Variants in ACMSD observed in about 807,000 individuals in gnomAD.
ACMSD encodes the protein 2-amino-3-carboxymuconate-6-semialdehyde decarboxylase.
ACMSD carries 37 observed loss-of-function variants against 45.9 expected under a neutral mutation model. The ratio of observed to expected loss-of-function variants is 0.81; its 90% confidence interval spans 0.62 to 1.06. The LOEUF is 1.06. ACMSD is among the 50% of genes least tolerant of loss of function. The pLI, the probability that ACMSD is intolerant of heterozygous loss-of-function variation, is 0.00. For missense variants in ACMSD, 434 were observed against 420.9 expected (o/e 1.03, Z -0.27); for synonymous variants, 138 against 148.8 (o/e 0.93, Z 0.53).
chr2:134,885,625 A>C, intron 8 of ACMSD, among the ~76,000 whole-genome samples: 1 of 151,204 alleles, frequency 6.6e-6, no homozygotes, highest in East Asian at 1.9e-4. Flanking sequence ...AAACATGCTC[A>C]AAAGTCCAAT....
intron 8 of ACMSD, among the ~76,000 whole-genome samples, chr2:134,887,662 C>T (rs1689538767): frequency 6.6e-6 from 1 of 152,190 alleles, no homozygotes; most frequent in South Asian, 2.1e-4. Flanking sequence ...CCTTGGCCTC[C>T]CAAAGTGCTG....
intron 2 of ACMSD, among the ~76,000 whole-genome samples, chr2:134,853,063 C>T (rs1225733778): frequency 6.7e-6 from 1 of 150,076 alleles, no homozygotes; most frequent in South Asian, 2.1e-4. Flanking sequence ...CTCAGGAGGC[C>T]GAGGTGGGAG....
intron 8 of ACMSD, among the ~76,000 whole-genome samples, chr2:134,886,415 A>AT (rs1347613999): frequency 6.6e-6 from 1 of 151,416 alleles, no homozygotes; most frequent in Non-Finnish European, 1.5e-5. Context: ...CGCCCGGCTA[A>AT]TTTTTTGTAT....
intron 8 of ACMSD, among the ~76,000 whole-genome samples, chr2:134,895,732 G>A (rs1690109631): frequency 6.6e-6 from 1 of 152,126 alleles, no homozygotes. Context: ...GTGATGGCGT[G>A]TGCCTGTAAT....
intron 6 of ACMSD, among the ~76,000 whole-genome samples, chr2:134,868,713 A>G (rs1011890611): frequency 1.3e-5 from 2 of 152,112 alleles, no homozygotes; most frequent in African/African-American, 4.8e-5. Flanking sequence ...TCAGCCTCCC[A>G]AAGTGCTGGG....
chr2:134,885,258 TA>T lies in ACMSD; in HGVS notation c.849+12618del, dbSNP rs1689270072. 4.9e-5 allele frequency among the ~76,000 whole-genome samples: 5 copies of T among 101,956 alleles called. No homozygotes were observed. The East Asian group carries it at 7.5e-4, about 15-fold the overall frequency. The allele number at this position is 101,956 out of a possible 152,430, so 66.9% of individuals were successfully genotyped here. ...TATGTAAATATATATTTATATATAA[TA>T]TATATATAAATATATATATTATATA... On this transcript the variant is annotated intron_variant, in intron 8 of 9. Coordinates refer to ENST00000356140, the MANE Select transcript of ACMSD (RefSeq NM_138326.3).
intron 8 of ACMSD, among the ~76,000 whole-genome samples, chr2:134,892,300 C>T (rs1314196236): frequency 2.6e-5 from 4 of 151,742 alleles, no homozygotes; most frequent in African/African-American, 7.3e-5. Flanking sequence ...AATAAGATGA[C>T]ATACATGAAT....
intron 3 of ACMSD, among the ~76,000 whole-genome samples, chr2:134,860,569 G>T (rs1200912174): frequency 1.3e-5 from 2 of 152,130 alleles, no homozygotes; most frequent in Non-Finnish European, 1.5e-5. Context: ...CAAATTGTAA[G>T]AAGTTCAAAT....
intron 8 of ACMSD, among the ~76,000 whole-genome samples, chr2:134,886,840 A>C (rs561534387): frequency 6.6e-6 from 1 of 152,318 alleles, no homozygotes; most frequent in African/African-American, 2.4e-5. Context: ...TTATGTAATA[A>C]ATTTTTAAGG....
rs1553508770 is a variant in ACMSD, at chr2:134,847,397, C to CAGATAGATAGATAGACAGAT, written c.102+2135_102+2136insCAGATAGATAGATAGATAGA. Among the ~76,000 whole-genome samples the CAGATAGATAGATAGACAGAT allele has an allele frequency of 7.5e-4, 61 of 81,464 alleles. 1 individual carries two copies. The highest frequency in any genetic ancestry group is 2.9e-3 in the African/African-American group (59 of 20,270). The allele number at this position is 81,464 out of a possible 152,430, so 53.4% of individuals were successfully genotyped here. A position where few individuals can be genotyped will look rare whatever the true frequency, so the allele number is the denominator to read the frequency against. Reference sequence around the variant, plus strand: ...ACCACTAAAGAGTTTTTTGGGGATACAGATAGATAGATAGATAGATAGATA... The same window carrying CAGATAGATAGATAGACAGAT: ...ACCACTAAAGAGTTTTTTGGGGATACAGATAGATAGATAGACAGATAGATAGATAGATAGATAGATAGATA... On this transcript the variant is annotated intron_variant, in intron 2 of 9. Transcript: ENST00000356140.
At chr2:134,875,370 T>C (rs1323378567) in intron 8 of ACMSD, among the ~76,000 whole-genome samples, 1 of 152,236 alleles carries the variant, frequency 6.6e-6, no homozygotes, top group East Asian at 1.9e-4. Flanking sequence ...GTATAAACTT[T>C]ACTTTGATAA....
At chr2:134,879,706 T>G (rs888548284) in intron 8 of ACMSD, among the ~76,000 whole-genome samples, 1 of 152,334 alleles carries the variant, frequency 6.6e-6, no homozygotes, top group African/African-American at 2.4e-5. Flanking sequence ...ACATGCTACT[T>G]ACACAAACTT....
chr2:134,848,860 G>A (rs1687202314), intron 2 of ACMSD, among the ~76,000 whole-genome samples: 1 of 152,206 alleles, frequency 6.6e-6, no homozygotes, highest in Non-Finnish European at 1.5e-5. Flanking sequence ...GAATGGTACT[G>A]CTTAGGTTTT....
intron 8 of ACMSD, among the ~76,000 whole-genome samples, chr2:134,895,976 A>G (rs1690126015): frequency 6.6e-6 from 1 of 152,200 alleles, no homozygotes; most frequent in East Asian, 1.9e-4. Flanking sequence ...TCAAGACTCT[A>G]TGGGACTAGC....
chr2:134,876,513 G>A lies in ACMSD; in HGVS notation c.849+3872G>A, dbSNP rs867552976. ...AGGCCTACACAGGGTAAGGATCATC[G>A]TCACTGTCTTTCACCTCCACATCTT... On this transcript the variant is annotated intron_variant, in intron 8 of 9. Transcript: ENST00000356140. 3.9e-5 allele frequency among the ~76,000 whole-genome samples: 6 copies of A among 152,026 alleles called. No homozygotes were observed. In the East Asian group the frequency reaches 7.7e-4, roughly 20 times the overall value.
At chr2:134,851,453 T>TC (rs1041145808) in intron 2 of ACMSD, among the ~76,000 whole-genome samples, 1 of 152,102 alleles carries the variant, frequency 6.6e-6, no homozygotes, top group Admixed American at 6.5e-5. Context: ...CATTCCCTTT[T>TC]CTTTTTTTTT....
chr2:134,888,702 T>C (rs1475128815), intron 8 of ACMSD, among the ~76,000 whole-genome samples: 1 of 150,394 alleles, frequency 6.6e-6, no homozygotes, highest in Non-Finnish European at 1.5e-5. Context: ...ACAACATAGA[T>C]AACTCTTACA....
At chr2:134,887,539 G>A (rs1202136063) in intron 8 of ACMSD, among the ~76,000 whole-genome samples, 1 of 152,168 alleles carries the variant, frequency 6.6e-6, no homozygotes, top group Non-Finnish European at 1.5e-5. Flanking sequence ...AAGTAGCTGG[G>A]ATTACAGGCA....
chr2:134,862,424 C>T (rs749130671), intron 4 of ACMSD, among the ~76,000 whole-genome samples: 33 of 152,112 alleles, frequency 2.2e-4, no homozygotes, highest in Non-Finnish European at 4.6e-4. Context: ...AAGGGAAAAA[C>T]ACAATTCAGA....
Sources: allele counts gnomAD v4.1 joint callset (sites outside exome capture counted in the v4.1 genomes callset), GRCh38; gene constraint gnomAD v4.1.1; transcripts MANE v1.5; gene names NCBI Gene and HGNC (gene_info 2026-07-23, HGNC 2026-07-21).